TTLL11: variants seen among roughly 807,000 people sequenced by gnomAD.
TTLL11 encodes tubulin tyrosine ligase like 11.
TTLL11 carries 42 observed loss-of-function variants against 51.7 expected under a neutral mutation model. The observed-to-expected ratio is 0.81, with a 90% confidence interval of 0.64 to 1.05. TTLL11 has a LOEUF of 1.05. TTLL11 is among the 50% of genes least tolerant of loss of function. The pLI, the probability that TTLL11 is intolerant of heterozygous loss-of-function variation, is 0.00. For synonymous variants in TTLL11, 381 were observed against 383.5 expected, an observed-to-expected ratio of 0.99 and a Z score of 0.08; for missense variants, 799 against 940.4, an observed-to-expected ratio of 0.85 and a Z score of 1.97.
intron 3 of TTLL11, among the ~76,000 whole-genome samples, chr9:121,998,246 A>T (rs1468392103): frequency 6.6e-6 from 1 of 151,620 alleles, no homozygotes; most frequent in Non-Finnish European, 1.5e-5. Context: ...GCCATAATTT[A>T]CACATTAAGT....
chr9:121,923,074 T>G (rs1840598411), intron 6 of TTLL11, among the ~76,000 whole-genome samples: 1 of 152,162 alleles, frequency 6.6e-6, no homozygotes, highest in South Asian at 2.1e-4. Context: ...ACTCACCCTT[T>G]GGGTTAAAGC....
At chr9:121,921,557 T>G (rs1428463622) in intron 6 of TTLL11, among the ~76,000 whole-genome samples, 1 of 152,172 alleles carries the variant, frequency 6.6e-6, no homozygotes, top group Non-Finnish European at 1.5e-5. Context: ...ACAGCTGTTG[T>G]GTAAATTAAA....
At chr9:121,842,257 TAAA>T (rs66633566) in intron 8 of TTLL11, among the ~76,000 whole-genome samples, 162 of 150,228 alleles carry the variant, frequency 1.1e-3, no homozygotes, top group African/African-American at 3.6e-3. Flanking sequence ...TCCTTTTTTT[TAAA>T]AAAAAAAGAC....
intron 4 of TTLL11, among the ~76,000 whole-genome samples, chr9:121,976,173 A>G (rs1842705129): frequency 6.6e-6 from 1 of 152,014 alleles, no homozygotes; most frequent in Non-Finnish European, 1.5e-5. Flanking sequence ...CCTGTGTGAC[A>G]CCCCTGCACA....
intron 8 of TTLL11, among the ~76,000 whole-genome samples, chr9:121,826,717 G>A (rs1449584402): frequency 4.0e-5 from 6 of 151,596 alleles, no homozygotes; most frequent in African/African-American, 1.2e-4. Context: ...GGATGGAAAC[G>A]GTAGAACCTG....
chr9:122,061,674 G>A (rs1052831828), intron 1 of TTLL11, among the ~76,000 whole-genome samples: 5 of 151,686 alleles, frequency 3.3e-5, no homozygotes, highest in African/African-American at 7.3e-5. Context: ...GTCTCACTCC[G>A]TCGCCCAGGC....
intron 1 of TTLL11, among the ~76,000 whole-genome samples, chr9:122,063,269 T>C (rs1249124990): frequency 1.3e-5 from 2 of 152,190 alleles, no homozygotes; most frequent in Non-Finnish European, 2.9e-5. Flanking sequence ...ATTTAAATAA[T>C]ATAAAACTTA....
intron 6 of TTLL11, among the ~76,000 whole-genome samples, chr9:121,947,404 G>A (rs1841706762): frequency 6.6e-6 from 1 of 152,144 alleles, no homozygotes; most frequent in Middle Eastern, 3.2e-3. Context: ...TGCATTTTAG[G>A]AAGATTTCAA....
At chr9:122,079,586 A>G (rs1025306961) in intron 1 of TTLL11, among the ~76,000 whole-genome samples, 2 of 151,746 alleles carry the variant, frequency 1.3e-5, no homozygotes, top group African/African-American at 4.8e-5. Flanking sequence ...GCGGGCGCCT[A>G]TGGTCCCAGC....
intron 3 of TTLL11, among the ~76,000 whole-genome samples, chr9:121,993,961 T>C (rs1260197621): frequency 6.6e-6 from 1 of 152,194 alleles, no homozygotes; most frequent in African/African-American, 2.4e-5. Context: ...AACAAGCCTC[T>C]GGTAGACAAA....
chr9:122,003,206 G>C lies in TTLL11; in HGVS notation c.694-13436C>G, dbSNP rs191988876. The stretch of plus-strand genomic sequence containing the variant: ...CATCAATATCTTCATCTGTCAAAGA[G>C]AGATGATCATAAAACCTCTCCGGTC... On this transcript the variant is annotated intron_variant, in intron 3 of 8. Transcript: ENST00000321582. 2.6e-5 allele frequency among the ~76,000 whole-genome samples: 4 copies of C among 152,248 alleles called. No homozygotes were observed. The East Asian group carries it at 5.8e-4, about 22-fold the overall frequency.
intron 6 of TTLL11, among the ~76,000 whole-genome samples, chr9:121,877,792 A>T (rs1838624541): frequency 6.6e-6 from 1 of 152,236 alleles, no homozygotes; most frequent in Admixed American, 6.5e-5. Flanking sequence ...AGGCACAAGG[A>T]TATGAACCAA....
chr9:121,923,485 C>T (rs1009217449), intron 6 of TTLL11, among the ~76,000 whole-genome samples: 2 of 151,848 alleles, frequency 1.3e-5, no homozygotes, highest in Admixed American at 6.6e-5. Context: ...TTGAAAATAC[C>T]TTACTGTTGT....
At position 121,816,545 on chromosome 9, in the gene TTLL11, T is replaced by TGC. The variant is rs1184678984; in HGVS notation, c.*6040_*6041dup. On this transcript the variant is annotated 3_prime_UTR_variant, in exon 9 of 9. Coordinates refer to ENST00000321582, the MANE Select transcript of TTLL11 (RefSeq NM_001139442.2). Reference sequence around the variant, plus strand: ...CTCAACGGTGCTCAGTGTGTGTGTGTGCGTGCGCACGTGTGTGCATGCGTG... The same window carrying TGC: ...CTCAACGGTGCTCAGTGTGTGTGTGTGCGCGTGCGCACGTGTGTGCATGCGTG... The TGC allele has an allele frequency of 1.2e-5, 1 of 84,942 alleles. No individual in the cohort carries two copies. Among genetic ancestry groups the TGC allele is most frequent in the East Asian group, 5.2e-4 (1 of 1,932 alleles). The allele number at this position is 84,942 out of a possible 1,614,324, so 5.3% of individuals were successfully genotyped here.
Position 121,870,759 on chromosome 9 carries a change from C to A in TTLL11, c.1482-11G>T. On this transcript the variant is annotated splice_polypyrimidine_tract_variant and intron_variant, in intron 6 of 8. Coordinates refer to ENST00000321582, the MANE Select transcript of TTLL11 (RefSeq NM_001139442.2). ...TCAAGCTGCTGAGACCTGAAGCACA[C>A]AAAGAATTAATGATATAACACTTTC... is the stretch of plus-strand genomic sequence containing the variant. 1 of 1,530,890 alleles carries A rather than the reference C, an allele frequency of 6.5e-7. No individual in the cohort carries two copies. The highest frequency in any genetic ancestry group is 8.8e-7 in the Non-Finnish European group (1 of 1,135,672). 94.8% of individuals were successfully genotyped at this position (1,530,890 alleles called of 1,614,324 possible). A position where few individuals can be genotyped will look rare whatever the true frequency, so the allele number is the denominator to read the frequency against.
chr9:122,010,359 T>C (rs1213526495), intron 3 of TTLL11, among the ~76,000 whole-genome samples: 1 of 152,224 alleles, frequency 6.6e-6, no homozygotes, highest in Non-Finnish European at 1.5e-5. Context: ...TAGAGCCTCC[T>C]CAATGAAGTG....
chr9:122,058,228 C>A (rs1845344710), intron 1 of TTLL11, among the ~76,000 whole-genome samples: 1 of 152,186 alleles, frequency 6.6e-6, no homozygotes, highest in Admixed American at 6.5e-5. Flanking sequence ...TGGTGCCTAG[C>A]CCAGTGCCTG....
chr9:121,821,380 A>T lies in TTLL11; in HGVS notation c.*1207T>A, dbSNP rs1304672756. 2.0e-5 allele frequency among the ~76,000 whole-genome samples: 3 copies of T among 152,066 alleles called. No homozygotes were observed. The highest frequency in any genetic ancestry group is 4.4e-5 in the Non-Finnish European group (3 of 68,006). On this transcript the variant is annotated 3_prime_UTR_variant, in exon 9 of 9. Transcript: ENST00000321582. This position sits in a 1 kb window ranked among gnomAD's most constrained non-coding sequence, Gnocchi z 5.0. ...ACTAGCGCCTCAAATACTTTCCTGC[A>T]CCTCGCTTGGAGCACGATGACTGAC...
At chr9:121,839,840 T>C (rs1369520874) in intron 8 of TTLL11, among the ~76,000 whole-genome samples, 2 of 152,160 alleles carry the variant, frequency 1.3e-5, no homozygotes, top group Non-Finnish European at 2.9e-5. Context: ...ACTCACCAAG[T>C]GGACTGAGCC....
Sources: allele counts gnomAD v4.1 joint callset (sites outside exome capture counted in the v4.1 genomes callset), GRCh38; gene constraint gnomAD v4.1.1; non-coding constraint Gnocchi (gnomAD v3.1); transcripts MANE v1.5; gene names NCBI Gene and HGNC (gene_info 2026-07-23, HGNC 2026-07-21).